Variants in GSK3B observed in about 807,000 individuals in gnomAD.
The protein encoded by GSK3B is glycogen synthase kinase-3 beta.
Under a neutral mutation model 56.4 loss-of-function variants are expected in GSK3B, and 15 were observed. The ratio of observed to expected loss-of-function variants is 0.27; its 90% CI spans 0.18 to 0.41. GSK3B has a LOEUF of 0.41. Ranked by LOEUF, GSK3B falls within the 10% of genes least tolerant of loss-of-function variation. GSK3B has a pLI of 1.00. For synonymous variants in GSK3B, 181 were observed against 188.9 expected, an observed-to-expected ratio of 0.96 and a Z score of 0.34; for missense variants, 300 against 513.4, an observed-to-expected ratio of 0.58 and a Z score of 4.02.
intron 10 of GSK3B, among the ~76,000 whole-genome samples, chr3:119,837,943 CATATAT>C (rs10574860): frequency 0.13 from 18,431 of 138,500 alleles, 1,775 homozygotes; most frequent in African/African-American, 0.27. Context: ...TGACCATTCA[CATATAT>C]ATATATATAT....
Position 119,916,037 on chromosome 3 carries a change from A to G in GSK3B, c.608+7T>C. ...GGGAAGGGGCAGGGAGAGGGACAGT[A>G]GCTTACCTTCCAAAGTCACAGAGTT... On this transcript the variant is annotated splice_region_variant and intron_variant, in intron 5 of 10. Transcript: ENST00000264235. The G allele has an allele frequency of 6.2e-7, 1 of 1,608,616 alleles. No homozygotes were observed. Among genetic ancestry groups the G allele is most frequent in the Non-Finnish European group, 8.5e-7 (1 of 1,175,706 alleles).
chr3:120,045,051 C>T (rs2058091901), intron 1 of GSK3B, among the ~76,000 whole-genome samples: 1 of 152,136 alleles, frequency 6.6e-6, no homozygotes, highest in Non-Finnish European at 1.5e-5. Context: ...TTATTGGGTG[C>T]TGTGTCATAC....
chr3:120,076,349 A>G (rs922610698), intron 1 of GSK3B, among the ~76,000 whole-genome samples: 2 of 152,206 alleles, frequency 1.3e-5, no homozygotes, highest in Non-Finnish European at 2.9e-5. Context: ...GTAAAAATAG[A>G]TGAGACTACA....
chr3:119,829,646 C>A (rs530068760), intron 10 of GSK3B, among the ~76,000 whole-genome samples: 1 of 152,370 alleles, frequency 6.6e-6, no homozygotes, highest in South Asian at 2.1e-4. Context: ...TGTCCTTTCA[C>A]TGACTACAGC....
Position 120,093,752 on chromosome 3 carries a change from T to G in GSK3B, c.-318A>C. The G allele has an allele frequency of 3.4e-6, 1 of 296,140 alleles. No individual in the cohort carries two copies. The highest frequency in any genetic ancestry group is 6.3e-6 in the Non-Finnish European group (1 of 158,756). The allele number at this position is 296,140 out of a possible 1,614,324, so 18.3% of individuals were successfully genotyped here. ...AGGGCAAATCCTAAAAAAATATGTA[T>G]CACGTGAAACGGGGGCAAATACTTG... is the stretch of plus-strand genomic sequence containing the variant. On this transcript the variant is annotated 5_prime_UTR_variant, in exon 1 of 11. Coordinates refer to ENST00000264235, the MANE Select transcript of GSK3B (RefSeq NM_001146156.2).
At chr3:119,847,220 T>C (rs755244066) in intron 9 of GSK3B, among the ~76,000 whole-genome samples, 58 of 152,238 alleles carry the variant, frequency 3.8e-4, no homozygotes, top group Non-Finnish European at 4.7e-4. Flanking sequence ...CAAACCACTA[T>C]GGCACATGTA....
intron 1 of GSK3B, among the ~76,000 whole-genome samples, chr3:120,061,737 T>TTATA (rs2058238635): frequency 6.6e-6 from 1 of 152,120 alleles, no homozygotes; most frequent in South Asian, 2.1e-4. Context: ...ATTTATTTAT[T>TTATA]TATTTATTTA....
chr3:120,067,166 A>G (rs180702102), intron 1 of GSK3B, among the ~76,000 whole-genome samples: 9 of 152,026 alleles, frequency 5.9e-5, no homozygotes, highest in Admixed American at 5.9e-4. Flanking sequence ...TAGGTGAAAG[A>G]CTGATGGGGA....
At chr3:119,881,360 G>C (rs188046963) in intron 7 of GSK3B, among the ~76,000 whole-genome samples, 4 of 152,094 alleles carry the variant, frequency 2.6e-5, no homozygotes. Flanking sequence ...GTGGAAAAGG[G>C]GGCTGTGACT....
At chr3:120,056,917 C>A (rs1316127848) in intron 1 of GSK3B, among the ~76,000 whole-genome samples, 2 of 152,048 alleles carry the variant, frequency 1.3e-5, no homozygotes, top group Non-Finnish European at 2.9e-5. Flanking sequence ...CCGAGGCAGG[C>A]GGGTCACTGG....
At chr3:119,984,641 T>C (rs553804415) in intron 2 of GSK3B, among the ~76,000 whole-genome samples, 78 of 152,212 alleles carry the variant, frequency 5.1e-4, no homozygotes, top group African/African-American at 1.9e-3. Flanking sequence ...CCTGGACACA[T>C]ACACCCTCCC....
At chr3:119,988,148 C>T (rs903314420) in intron 2 of GSK3B, among the ~76,000 whole-genome samples, 6 of 152,096 alleles carry the variant, frequency 3.9e-5, no homozygotes, top group South Asian at 4.1e-4. Context: ...AGAGGAAAAA[C>T]GTTCAGGACT....
chr3:119,924,053 C>T (rs373271392), intron 3 of GSK3B, among the ~76,000 whole-genome samples: 27 of 152,300 alleles, frequency 1.8e-4, no homozygotes, highest in African/African-American at 6.5e-4. Context: ...ACTGATAGAA[C>T]AATCACTTGT....
rs534212215 is a variant in GSK3B, at chr3:120,052,500, G to A, written c.88+40847C>T. 3.9e-5 allele frequency among the ~76,000 whole-genome samples: 6 copies of A among 152,168 alleles called. 1 individual carries two copies. The East Asian group carries it at 7.7e-4, about 20-fold the overall frequency. On this transcript the variant is annotated intron_variant, in intron 1 of 10. Coordinates refer to ENST00000264235, the MANE Select transcript of GSK3B (RefSeq NM_001146156.2). ...TAGCTAGTCCACAGTAACCCCCAAC[G>A]CACCCCAAGTAAAATATCCCATATG...
chr3:120,070,759 A>G (rs79392857), intron 1 of GSK3B, among the ~76,000 whole-genome samples: 1 of 152,186 alleles, frequency 6.6e-6, no homozygotes, highest in East Asian at 1.9e-4. Flanking sequence ...TTCCTTGTAT[A>G]TATTGCCAAA....
At chr3:119,959,765 C>T (rs1031067314) in intron 2 of GSK3B, among the ~76,000 whole-genome samples, 1 of 151,940 alleles carries the variant, frequency 6.6e-6, no homozygotes, top group African/African-American at 2.4e-5. Context: ...GATCCTCCAA[C>T]CTCAGCCTCC....
At chr3:120,079,770 G>T (rs574823031) in intron 1 of GSK3B, among the ~76,000 whole-genome samples, 25 of 152,216 alleles carry the variant, frequency 1.6e-4, no homozygotes, top group Admixed American at 9.8e-4. Context: ...AATTTAAATA[G>T]AATTATACCT....
intron 1 of GSK3B, among the ~76,000 whole-genome samples, chr3:120,086,524 G>T (rs1055589415): frequency 6.6e-6 from 1 of 152,154 alleles, no homozygotes; most frequent in Non-Finnish European, 1.5e-5. Context: ...TCAGATGGGT[G>T]CAGTGGCTCA....
At chr3:119,868,003 C>G (rs1477042504) in intron 8 of GSK3B, among the ~76,000 whole-genome samples, 1 of 151,686 alleles carries the variant, frequency 6.6e-6, no homozygotes, top group Non-Finnish European at 1.5e-5. Context: ...CTAAATATGG[C>G]CAGCGAAGTA....
Sources: gnomAD v4.1 joint callset for allele counts (sites outside exome capture counted in the v4.1 genomes callset) on GRCh38, gnomAD v4.1.1 for gene constraint, MANE v1.5 for transcripts, NCBI Gene and HGNC (gene_info 2026-07-23, HGNC 2026-07-21) for gene names.